CNNM1: variants seen among roughly 807,000 people sequenced by gnomAD.
The protein encoded by CNNM1 is metal transporter CNNM1.
In CNNM1, 44 loss-of-function variants were observed where a neutral mutation model predicts 78.8. The observed-to-expected ratio is 0.56, with a 90% CI of 0.44 to 0.72. The LOEUF (loss-of-function observed/expected upper bound fraction) is 0.72, where lower values mean the gene tolerates loss of function less well. CNNM1 is among the 30% of genes least tolerant of loss of function. The pLI, the probability that CNNM1 is intolerant of heterozygous loss-of-function variation, is 0.00. For synonymous variants in CNNM1, 584 were observed against 581.5 expected, an observed-to-expected ratio of 1.00 and a Z score of -0.06; for missense variants, 1,101 against 1,292.2, an observed-to-expected ratio of 0.85 and a Z score of 2.27.
intron 2 of CNNM1, among the ~76,000 whole-genome samples, chr10:99,360,497 T>A (rs1325065586): frequency 6.6e-6 from 1 of 151,308 alleles, no homozygotes; most frequent in Non-Finnish European, 1.5e-5. Context: ...TATTAAATAT[T>A]ATTAGCCTCC....
intron 7 of CNNM1, among the ~76,000 whole-genome samples, chr10:99,383,316 T>G (rs2032211861): frequency 6.6e-6 from 1 of 152,118 alleles, no homozygotes. Context: ...TGGCGTGATC[T>G]TCTACCTCAC....
Position 99,330,811 on chromosome 10 carries a change from T to C in CNNM1, c.1424T>C (p.Ile475Thr), listed in dbSNP as rs1179076651. ...TACGAGGGTGACCAGCGGCACAACA[T>C]TGTGGACATTTTATTTGTCAAGGAC... is the stretch of plus-strand genomic sequence containing the variant. ...PVYEGDQRHNIVDILFVKDLA... is the reference protein window; with the variant it reads ...PVYEGDQRHNTVDILFVKDLA... The change falls in exon 1 of 11, where the codon ATT becomes ACT. Residue 475 changes from isoleucine to threonine, a missense_variant. Around this residue, in one of 3 missense-constraint regions of CNNM1, gnomAD observed 277 missense variants for 423.2 expected, o/e 0.65. Transcript: ENST00000356713. 2.5e-6 allele frequency: 4 copies of C among 1,614,146 alleles called. No homozygotes were observed. The highest frequency in any genetic ancestry group is 1.7e-5 in the Admixed American group (1 of 60,022).
intron 1 of CNNM1, among the ~76,000 whole-genome samples, chr10:99,353,530 A>G (rs929582757): frequency 1.3e-5 from 2 of 152,208 alleles, no homozygotes; most frequent in African/African-American, 4.8e-5. Flanking sequence ...TTGGCTTCAC[A>G]TAGGGCCACC....
chr10:99,330,456 C>T lies in CNNM1; in HGVS notation c.1069C>T (p.His357Tyr). ...CSRHGLAIAS[H>Y]SVCLTRLLMA... ...GCGGCACGGGCTGGCCATCGCCTCG[C>T]ACAGCGTGTGCCTGACCCGGCTTCT... Residue 357 changes from histidine to tyrosine, a missense_variant, in exon 1 of 11, where the codon CAC (histidine) becomes TAC (tyrosine). His to Tyr is a moderately conservative substitution (Grantham distance 83). This residue lies in a region of CNNM1 where 277 missense variants were observed against 423.2 expected (regional missense o/e 0.65). Coordinates refer to ENST00000356713, the MANE Select transcript of CNNM1 (RefSeq NM_020348.3). The T allele has an allele frequency of 6.3e-7, 1 of 1,589,552 alleles. No individual in the cohort carries two copies. Among genetic ancestry groups the T allele is most frequent in the Non-Finnish European group, 8.6e-7 (1 of 1,168,892 alleles).
At chr10:99,331,343 T>G (rs1182485139) in intron 1 of CNNM1, among the ~76,000 whole-genome samples, 2 of 152,216 alleles carry the variant, frequency 1.3e-5, no homozygotes, top group Non-Finnish European at 2.9e-5. Flanking sequence ...CAAGCAGCCT[T>G]TGCTTTAAAC....
At chr10:99,341,617 C>T (rs1261317658) in intron 1 of CNNM1, among the ~76,000 whole-genome samples, 2 of 152,066 alleles carry the variant, frequency 1.3e-5, no homozygotes, top group Non-Finnish European at 2.9e-5. Context: ...GGAGAAGGAC[C>T]CTGCTAAGCA....
At chr10:99,335,807 A>G (rs1223851028) in intron 1 of CNNM1, among the ~76,000 whole-genome samples, 2 of 152,174 alleles carry the variant, frequency 1.3e-5, no homozygotes, top group Non-Finnish European at 2.9e-5. Flanking sequence ...TGGCCAACTC[A>G]GTTTCTGGTG....
At chr10:99,356,597 AAAGAAAGAAAAG>A (rs1564947322) in intron 1 of CNNM1, among the ~76,000 whole-genome samples, 43 of 133,042 alleles carry the variant, frequency 3.2e-4, no homozygotes, top group African/African-American at 1.1e-3. Flanking sequence ...AGAAAGAAAG[AAAGAAAGAAAAG>A]AAAGAAAGAA....
At chr10:99,339,008 T>C (rs1174181309) in intron 1 of CNNM1, among the ~76,000 whole-genome samples, 2 of 152,260 alleles carry the variant, frequency 1.3e-5, no homozygotes, top group African/African-American at 4.8e-5. Context: ...CACTGAGTTC[T>C]GTATAGACAA....
At chr10:99,346,552 G>A (rs553867767) in intron 1 of CNNM1, among the ~76,000 whole-genome samples, 6 of 152,202 alleles carry the variant, frequency 3.9e-5, no homozygotes, top group East Asian at 1.9e-4. Flanking sequence ...TCATTCCCTC[G>A]ATTATTTCAT....
In CNNM1 at chr10:99,330,246, C is replaced by T; in HGVS notation, c.859C>T (p.Leu287Phe). 1.3e-6 allele frequency: 2 copies of T among 1,545,064 alleles called. No homozygotes were observed. The highest frequency in any genetic ancestry group is 1.7e-6 in the Non-Finnish European group (2 of 1,146,666). The part of the protein sequence containing the change: ...GRGTHLLCTL[L>F]LGQAGANAAL... ...GGGGACCCATCTGCTCTGCACCCTA[C>T]TCCTGGGCCAAGCCGGAGCCAACGC... is the stretch of plus-strand genomic sequence containing the variant. Residue 287 changes from leucine (L) to phenylalanine (F), a missense_variant, in exon 1 of 11, where the codon CTC (leucine) becomes TTC (phenylalanine). By Grantham distance (22) the Leu-to-Phe change is conservative. Coordinates refer to ENST00000356713, the MANE Select transcript of CNNM1 (RefSeq NM_020348.3).
At position 99,362,307 on chromosome 10, in the gene CNNM1, C is replaced by G. The variant is rs144833574; in HGVS notation, c.1939C>G (p.Leu647Val). 921 of 1,613,998 alleles carry G rather than the reference C, an allele frequency of 5.7e-4. No individual in the cohort carries two copies. The highest frequency in any genetic ancestry group is 6.8e-4 in the Non-Finnish European group (807 of 1,179,870). The change falls in exon 4 of 11, where the codon CTG becomes GTG. Residue 647 changes from leucine to valine, a missense_variant. Transcript: ENST00000356713. ...GAAACATCCCAACGTGATCCAGGAG[C>G]TGAAGTTTGATGAGAAGAACAAGAA... The part of the protein sequence containing the change: ...LLKHPNVIQE[L>V]KFDEKNKKAP...
chr10:99,343,090 G>A (rs549591163), intron 1 of CNNM1, among the ~76,000 whole-genome samples: 6 of 151,894 alleles, frequency 4.0e-5, no homozygotes, highest in East Asian at 1.9e-4. Flanking sequence ...CTCAGCCTAA[G>A]TAGCTGGGAT....
chr10:99,330,093 T>A lies in CNNM1; in HGVS notation c.706T>A (p.Ser236Thr). 6.5e-7 allele frequency: 1 copy of A among 1,544,720 alleles called. No homozygotes were observed. The highest frequency in any genetic ancestry group is 8.7e-7 in the Non-Finnish European group (1 of 1,153,406). Residue 236 changes from serine (S) to threonine (T), a missense_variant, in exon 1 of 11, where the codon TCG (serine) becomes ACG (threonine). Around this residue, in one of 3 missense-constraint regions of CNNM1, gnomAD observed 476 missense variants for 484.5 expected, o/e 0.98. Coordinates refer to ENST00000356713, the MANE Select transcript of CNNM1 (RefSeq NM_020348.3). ...ALGALLLLAL[S>T]ALFSGLRLSL... ...CGGGGCGCTCCTGCTGCTAGCCTTG[T>A]CGGCCCTGTTCAGCGGCCTGCGCCT...
chr10:99,340,812 T>G (rs1009497549), intron 1 of CNNM1, among the ~76,000 whole-genome samples: 1 of 151,132 alleles, frequency 6.6e-6, no homozygotes, highest in Non-Finnish European at 1.5e-5. Flanking sequence ...TTCTCTTTCT[T>G]TCTTTCTTTT....
At chr10:99,372,130 C>T (rs1289334845) in intron 6 of CNNM1, among the ~76,000 whole-genome samples, 1 of 152,128 alleles carries the variant, frequency 6.6e-6, no homozygotes, top group Non-Finnish European at 1.5e-5. Context: ...TATAGATTTT[C>T]AGGGCCCCTG....
chr10:99,372,279 C>G (rs942428777), intron 6 of CNNM1, among the ~76,000 whole-genome samples: 1 of 152,166 alleles, frequency 6.6e-6, no homozygotes, highest in African/African-American at 2.4e-5. Flanking sequence ...AAGTAGCCAA[C>G]CCAGGACAGA....
intron 5 of CNNM1, 95 bp from the exon 6 acceptor site, chr10:99,364,860 A>T: frequency 8.5e-7 from 1 of 1,183,246 alleles, no homozygotes; most frequent in Non-Finnish European, 1.2e-6. Context: ...TTACAGGGTT[A>T]ATTGGTGCTG....
chr10:99,365,236 G>A (rs1183986069), intron 6 of CNNM1: 1 of 614,366 alleles, frequency 1.6e-6, no homozygotes, highest in Admixed American at 2.6e-5. Flanking sequence ...ACATGGTTGG[G>A]GGGATGCAGG....
Sources: allele counts gnomAD v4.1 joint callset (sites outside exome capture counted in the v4.1 genomes callset), GRCh38; gene constraint gnomAD v4.1.1; regional missense constraint gnomAD v4.1.1; transcripts MANE v1.5; gene names NCBI Gene and HGNC (gene_info 2026-07-23, HGNC 2026-07-21).